The following UBE2D3 variants were observed in gnomAD, a reference collection of about 807,000 sequenced individuals.
The protein encoded by UBE2D3 is ubiquitin-conjugating enzyme E2 D3.
UBE2D3 carries 2 observed loss-of-function variants against 22.8 expected under a neutral mutation model. The ratio of observed to expected loss-of-function variants is 0.09; its 90% CI spans 0.04 to 0.28. The LOEUF is 0.28. Ranked by LOEUF, UBE2D3 falls within the 10% of genes least tolerant of loss-of-function variation. The probability of loss-of-function intolerance (pLI) is 1.00; values close to 1 mark genes in which losing one functional copy is unlikely to be tolerated. For missense variants in UBE2D3, 27 were observed against 182.5 expected (o/e 0.15, Z 4.91); for synonymous variants, 56 against 60.4 (o/e 0.93, Z 0.34).
rs191299702 is a variant in UBE2D3 at position 102,854,342 on chromosome 4, A to G, written c.-129+14373T>C. ...TATAAATGTCAACTAGATCCAGTAG[A>G]TTAATGATACTACAGTTCAATTTTT... On this transcript the variant is annotated intron_variant, in intron 1 of 7. Coordinates refer to the UBE2D3 transcript ENST00000338145. Among the ~76,000 whole-genome samples, 355 of 152,278 alleles carry G rather than the reference A, an allele frequency of 2.3e-3. 2 individuals are homozygous for G. Among genetic ancestry groups the G allele is most frequent in the African/African-American group, 8.0e-3 (333 of 41,542 alleles).
chr4:102,827,630 C>A (rs938978302), upstream of UBE2D3: 2 of 986,890 alleles, frequency 2.0e-6, no homozygotes, highest in African/African-American at 3.5e-5. Flanking sequence ...ACGCCGCCGT[C>A]CCGAGCACAA....
intron 2 of UBE2D3, among the ~76,000 whole-genome samples, chr4:102,826,186 T>C (rs1278470599): frequency 6.6e-6 from 1 of 152,018 alleles, no homozygotes; most frequent in East Asian, 1.9e-4. Context: ...AAAAACTCCT[T>C]CTTAAGCAGC....
chr4:102,856,394 A>G (rs1578297696), intron 1 of UBE2D3, among the ~76,000 whole-genome samples: 1 of 152,354 alleles, frequency 6.6e-6, no homozygotes, highest in East Asian at 1.9e-4. Flanking sequence ...AAATTAAAAA[A>G]TAAAGAACAT....
intron 2 of UBE2D3, among the ~76,000 whole-genome samples, chr4:102,813,543 G>C (rs1728362307): frequency 6.6e-6 from 1 of 152,080 alleles, no homozygotes; most frequent in African/African-American, 2.4e-5. Flanking sequence ...AAGTAAAATA[G>C]GATAATGTAA....
rs191216345 is a variant in UBE2D3 at position 102,798,104 on chromosome 4, T to C, written c.399-644A>G. Among the ~76,000 whole-genome samples, 532 of 151,640 alleles carry C rather than the reference T, an allele frequency of 3.5e-3. 5 individuals carry two copies. Among genetic ancestry groups the C allele is most frequent in the Non-Finnish European group, 6.2e-3 (423 of 67,778 alleles). On this transcript the variant is annotated intron_variant, in intron 7 of 7. Coordinates refer to ENST00000453744, the MANE Select transcript of UBE2D3 (RefSeq NM_181891.3). ...GGCTAATAAGCACCACTGAGACCTG[T>C]TGAGTACAACAAGGGCATCTTCGTT...
intron 7 of UBE2D3, 75 bp downstream of exon 7, chr4:102,799,332 G>T: frequency 1.8e-6 from 2 of 1,121,444 alleles, no homozygotes; most frequent in Non-Finnish European, 2.6e-6. Flanking sequence ...AGTCTTCTTG[G>T]CACTGTCACA....
intron 1 of UBE2D3, among the ~76,000 whole-genome samples, chr4:102,833,093 TAAAG>T (rs2110346938): frequency 6.7e-6 from 1 of 150,346 alleles, no homozygotes; most frequent in Admixed American, 6.6e-5. Flanking sequence ...TTTTAGCTCT[TAAAG>T]AACTACGAAA....
chr4:102,821,134 A>G (rs1454699979), intron 2 of UBE2D3, among the ~76,000 whole-genome samples: 1 of 152,172 alleles, frequency 6.6e-6, no homozygotes, highest in Non-Finnish European at 1.5e-5. Context: ...TAATTATGAA[A>G]TAACACTGCT....
chr4:102,859,906 C>A (rs575645466), intron 1 of UBE2D3, among the ~76,000 whole-genome samples: 1 of 147,740 alleles, frequency 6.8e-6, no homozygotes, highest in African/African-American at 2.5e-5. Context: ...AGTGCAGTGG[C>A]GTGATCTCAG....
chr4:102,806,645 C>T (rs1277428439), intron 4 of UBE2D3, among the ~76,000 whole-genome samples: 1 of 152,270 alleles, frequency 6.6e-6, no homozygotes, highest in Non-Finnish European at 1.5e-5. Context: ...ACATTTTTCA[C>T]AGGTACTCTC....
At chr4:102,840,830 A>G (rs1731708928) in intron 1 of UBE2D3, among the ~76,000 whole-genome samples, 1 of 152,138 alleles carries the variant, frequency 6.6e-6, no homozygotes, top group African/African-American at 2.4e-5. Flanking sequence ...ACTATTATAT[A>G]TCGATTTTTT....
intron 4 of UBE2D3, among the ~76,000 whole-genome samples, chr4:102,808,312 A>G (rs1253228812): frequency 6.6e-6 from 1 of 152,246 alleles, no homozygotes; most frequent in East Asian, 1.9e-4. Context: ...CAAACTGGGT[A>G]ACTCAACATT....
intron 4 of UBE2D3, among the ~76,000 whole-genome samples, chr4:102,804,922 T>C (rs1726794219): frequency 6.6e-6 from 1 of 152,166 alleles, no homozygotes; most frequent in African/African-American, 2.4e-5. Flanking sequence ...TGAGTTCCAG[T>C]GATCCACCCA....
At chr4:102,832,988 C>G (rs1398170569) in intron 1 of UBE2D3, among the ~76,000 whole-genome samples, 1 of 135,756 alleles carries the variant, frequency 7.4e-6, no homozygotes, top group Non-Finnish European at 1.5e-5. Context: ...CAGAGTGAGA[C>G]CCTGTCTCTC....
chr4:102,820,735 CA>C (rs1277487209), intron 2 of UBE2D3, among the ~76,000 whole-genome samples: 1 of 151,028 alleles, frequency 6.6e-6, no homozygotes, highest in Non-Finnish European at 1.5e-5. Context: ...ACAAACAAAA[CA>C]AACAAACAAA....
chr4:102,822,001 AATAG>A (rs373821937), intron 2 of UBE2D3, among the ~76,000 whole-genome samples: 134 of 152,304 alleles, frequency 8.8e-4, no homozygotes, highest in African/African-American at 3.1e-3. Flanking sequence ...TTTCTTTTTT[AATAG>A]ATAGATTATA....
intron 1 of UBE2D3, 112 bp from the exon 2 acceptor site, chr4:102,826,748 GCCA>G (rs745660130): frequency 2.1e-5 from 30 of 1,416,828 alleles, no homozygotes; most frequent in East Asian, 2.7e-5. Flanking sequence ...GCGTGGCAAA[GCCA>G]CCAACAGCCT....
intron 2 of UBE2D3, among the ~76,000 whole-genome samples, chr4:102,814,360 T>A (rs1163137922): frequency 6.6e-6 from 1 of 151,576 alleles, no homozygotes; most frequent in South Asian, 2.1e-4. Flanking sequence ...GTGATCTTGG[T>A]TCACTGCAAC....
rs768404536 is a variant in UBE2D3 at position 102,861,020 on chromosome 4, G to A, written c.-129+7695C>T. ...TTTTCCCTTCTCCTAGATATTCCTA[G>A]ACTATTCATCTGTGAAGAGTCCCTC... is the stretch of plus-strand genomic sequence containing the variant. On this transcript the variant is annotated intron_variant, in intron 1 of 7. Coordinates refer to the UBE2D3 transcript ENST00000338145. Among the ~76,000 whole-genome samples, 129 of 151,908 alleles carry A rather than the reference G, an allele frequency of 8.5e-4. 5 individuals are homozygous for A. Among genetic ancestry groups the A allele is most frequent in the Non-Finnish European group, 1.5e-3 (101 of 67,912 alleles).
Sources: gnomAD v4.1 joint callset for allele counts (sites outside exome capture counted in the v4.1 genomes callset) on GRCh38, gnomAD v4.1.1 for gene constraint, MANE v1.5 for transcripts, NCBI Gene and HGNC (gene_info 2026-07-23, HGNC 2026-07-21) for gene names.